Variants in TBCEL observed in about 807,000 individuals in gnomAD.
The protein encoded by TBCEL is tubulin folding cofactor E like, also known as tubulin-specific chaperone cofactor E-like protein.
In TBCEL, 15 loss-of-function variants were observed where a neutral mutation model predicts 44.2. The observed-to-expected ratio is 0.34, with a 90% CI of 0.23 to 0.52. The LOEUF (loss-of-function observed/expected upper bound fraction) is 0.52, where lower values mean the gene tolerates loss of function less well. Ranked by LOEUF, TBCEL falls within the 20% of genes least tolerant of loss-of-function variation. The pLI is 0.95. For missense variants in TBCEL, 319 were observed against 506.3 expected, an observed-to-expected ratio of 0.63 and a Z score of 3.55; for synonymous variants, 171 against 185.4, an observed-to-expected ratio of 0.92 and a Z score of 0.63.
At chr11:121,077,336 T>G (rs1260708924) in intron 8 of TBCEL, among the ~76,000 whole-genome samples, 2 of 152,108 alleles carry the variant, frequency 1.3e-5, no homozygotes, top group African/African-American at 4.8e-5. Context: ...TCAAGTTATC[T>G]GTTTCTTCTT....
intron 8 of TBCEL, among the ~76,000 whole-genome samples, chr11:121,070,153 AT>A (rs1285257752): frequency 3.9e-5 from 6 of 152,206 alleles, no homozygotes; most frequent in African/African-American, 1.4e-4. Flanking sequence ...CCACAATGAG[AT>A]ACCATCTCAC....
Position 121,047,535 on chromosome 11 carries a change from C to G in TBCEL, c.141C>G (p.Leu47=). Reference sequence around the variant, plus strand: ...GTGTCTCTCATCATTCAGATCGCCTCAACCTCCCAAGTGTACTAGTGTTGA... The same window carrying G: ...GTGTCTCTCATCATTCAGATCGCCTGAACCTCCCAAGTGTACTAGTGTTGA... ...TPQGSPMKDR[L]NLPSVLVLNS... The change falls in exon 4 of 9, where the codon CTC becomes CTG. Residue 47 remains leucine, a synonymous_variant. Coordinates refer to ENST00000683345, the MANE Select transcript of TBCEL (RefSeq NM_001363644.2). The G allele has an allele frequency of 2.5e-6, 4 of 1,612,192 alleles. No individual in the cohort carries two copies. Among genetic ancestry groups the G allele is most frequent in the Non-Finnish European group, 2.5e-6 (3 of 1,178,786 alleles).
chr11:121,063,675 A>G (rs1052987706), intron 8 of TBCEL, among the ~76,000 whole-genome samples: 1 of 152,188 alleles, frequency 6.6e-6, no homozygotes, highest in African/African-American at 2.4e-5. Flanking sequence ...TCATTTTTCT[A>G]CACTGGGGCT....
chr11:121,074,619 C>A (rs894896521), intron 8 of TBCEL, among the ~76,000 whole-genome samples: 2 of 151,840 alleles, frequency 1.3e-5, no homozygotes, highest in Non-Finnish European at 2.9e-5. Flanking sequence ...AAATTTTACC[C>A]CTTTTAGTGT....
intron 1 of TBCEL, chr11:121,035,581 C>T (rs1362184601): frequency 6.6e-6 from 1 of 151,500 alleles, no homozygotes; most frequent in Non-Finnish European, 1.5e-5. Context: ...GTAAACTGCT[C>T]TGGAAGGCTG....
At chr11:121,057,183 A>T (rs1945637405) in intron 6 of TBCEL, among the ~76,000 whole-genome samples, 1 of 151,758 alleles carries the variant, frequency 6.6e-6, no homozygotes, top group African/African-American at 2.4e-5. Context: ...GATAGTTGTG[A>T]CTTGGGGTAG....
chr11:121,035,142 C>T (rs915068960), intron 1 of TBCEL: 1 of 152,146 alleles, frequency 6.6e-6, no homozygotes, highest in Non-Finnish European at 1.5e-5. Flanking sequence ...ATAGGGGAAG[C>T]AGGAGAAGTA....
chr11:121,086,151 T>A (rs1946212850), intron 8 of TBCEL, among the ~76,000 whole-genome samples: 1 of 152,184 alleles, frequency 6.6e-6, no homozygotes, highest in Non-Finnish European at 1.5e-5. Flanking sequence ...CCTCTTGGTA[T>A]CTTTTCCTTT....
chr11:121,077,736 T>C (rs1946057838), intron 8 of TBCEL, among the ~76,000 whole-genome samples: 1 of 151,988 alleles, frequency 6.6e-6, no homozygotes, highest in South Asian at 2.1e-4. Context: ...TATTATAATA[T>C]TTAATTCTAT....
intron 8 of TBCEL, among the ~76,000 whole-genome samples, chr11:121,082,533 G>A (rs190963744): frequency 6.6e-6 from 1 of 152,298 alleles, no homozygotes; most frequent in African/African-American, 2.4e-5. Flanking sequence ...TGAAGAGTTA[G>A]GACTTTATTT....
chr11:121,076,694 A>G (rs1034898101), intron 8 of TBCEL, among the ~76,000 whole-genome samples: 6 of 152,026 alleles, frequency 3.9e-5, no homozygotes, highest in Admixed American at 2.6e-4. Flanking sequence ...CCTCCAATAT[A>G]GTATCGGAAT....
intron 8 of TBCEL, among the ~76,000 whole-genome samples, chr11:121,086,261 A>G (rs1034631081): frequency 2.6e-5 from 4 of 152,202 alleles, no homozygotes; most frequent in Admixed American, 6.5e-5. Context: ...TTACACCTGA[A>G]ATTAGATTGG....
rs1377044548 is a variant in TBCEL at position 121,087,883 on chromosome 11, T to A, written c.*787T>A. 6.6e-6 allele frequency: 1 copy of A among 152,240 alleles called. No homozygotes were observed. Among genetic ancestry groups the A allele is most frequent in the Non-Finnish European group, 1.5e-5 (1 of 68,040 alleles). 9.4% of individuals were successfully genotyped at this position (152,240 alleles called of 1,614,324 possible). A position where few individuals can be genotyped will look rare whatever the true frequency, so the allele number is the denominator to read the frequency against. ...AACTCACTTTTAATGTCCCTGTACA[T>A]TATGTCAGCCATTACTTTCATAACA... On this transcript the variant is annotated 3_prime_UTR_variant, in exon 9 of 9. Transcript: ENST00000683345.
intron 1 of TBCEL, among the ~76,000 whole-genome samples, chr11:121,033,755 G>C (rs906580450): frequency 2.0e-5 from 3 of 152,120 alleles, no homozygotes; most frequent in African/African-American, 7.2e-5. Flanking sequence ...ATCAGCTTCA[G>C]AATTTCTTCT....
intron 1 of TBCEL, among the ~76,000 whole-genome samples, chr11:121,026,484 G>T (rs1945048616): frequency 6.6e-6 from 1 of 152,144 alleles, no homozygotes; most frequent in African/African-American, 2.4e-5. Flanking sequence ...CAGTTTAATA[G>T]CGTTTCTTTT....
intron 3 of TBCEL, among the ~76,000 whole-genome samples, chr11:121,046,757 A>G (rs1297416848): frequency 6.6e-6 from 1 of 152,094 alleles, no homozygotes; most frequent in East Asian, 1.9e-4. Flanking sequence ...CCTTTTTAGT[A>G]GAGATTGTAA....
chr11:121,025,577 T>C (rs1945031431), intron 1 of TBCEL, among the ~76,000 whole-genome samples: 1 of 152,178 alleles, frequency 6.6e-6, no homozygotes, highest in African/African-American at 2.4e-5. Flanking sequence ...AAATGCTGGC[T>C]GACATTTACT....
At chr11:121,086,064 G>T (rs1688468631) in intron 8 of TBCEL, among the ~76,000 whole-genome samples, 1 of 152,074 alleles carries the variant, frequency 6.6e-6, no homozygotes, top group Non-Finnish European at 1.5e-5. Flanking sequence ...ATCCTCCAGG[G>T]CTGGCAGTGC....
rs77432823 is a variant in TBCEL at position 121,050,727 on chromosome 11, G to A, written c.274-2824G>A. ...GCTTAGGTACAGATGACAGATTGTT[G>A]TCTTAAAACCCTTTTCCCATTTTTC... is the stretch of plus-strand genomic sequence containing the variant. On this transcript the variant is annotated intron_variant, in intron 4 of 8. Coordinates refer to ENST00000683345, the MANE Select transcript of TBCEL (RefSeq NM_001363644.2). Among the ~76,000 whole-genome samples the A allele has an allele frequency of 1.5e-3, 227 of 151,740 alleles. 1 individual carries two copies. Among genetic ancestry groups the A allele is most frequent in the African/African-American group, 4.8e-3 (197 of 41,466 alleles).
Sources: allele counts gnomAD v4.1 joint callset (sites outside exome capture counted in the v4.1 genomes callset), GRCh38; gene constraint gnomAD v4.1.1; transcripts MANE v1.5; gene names NCBI Gene and HGNC (gene_info 2026-07-23, HGNC 2026-07-21).